RAD50: variants seen among roughly 807,000 people sequenced by gnomAD.
RAD50 encodes the protein DNA repair protein RAD50.
Under a neutral mutation model 168.8 loss-of-function variants are expected in RAD50, and 132 were observed. The observed-to-expected ratio is 0.78, with a 90% CI of 0.68 to 0.90. The LOEUF (loss-of-function observed/expected upper bound fraction) is 0.90. Ranked by LOEUF, RAD50 falls within the 40% of genes least tolerant of loss-of-function variation. The pLI is 0.00. For synonymous variants in RAD50, 525 were observed against 497.4 expected (o/e 1.06, Z -0.74); for missense variants, 1,347 against 1,534.4 (o/e 0.88, Z 2.04).
intron 13 of RAD50, among the ~76,000 whole-genome samples, chr5:132,599,479 G>A (rs1455687485): frequency 6.6e-6 from 1 of 152,114 alleles, no homozygotes; most frequent in Non-Finnish European, 1.5e-5. Flanking sequence ...CTTCCCAATA[G>A]TAGGAAATAA....
At chr5:132,561,151 C>G (rs187961705) in intron 2 of RAD50, among the ~76,000 whole-genome samples, 2 of 152,210 alleles carry the variant, frequency 1.3e-5, no homozygotes, top group Middle Eastern at 3.4e-3. Flanking sequence ...TTCCTTCTTT[C>G]TCACTGGCTA....
At chr5:132,629,076 C>T (rs1751418173) in intron 21 of RAD50, among the ~76,000 whole-genome samples, 1 of 152,242 alleles carries the variant, frequency 6.6e-6, no homozygotes, top group Non-Finnish European at 1.5e-5. Context: ...CATATGTATT[C>T]ACTGAATAGA....
At chr5:132,613,436 TC>T (rs1332298762) in intron 19 of RAD50, among the ~76,000 whole-genome samples, 1 of 152,096 alleles carries the variant, frequency 6.6e-6, no homozygotes. Flanking sequence ...TGATTTTTTT[TC>T]CCTTCCTTTC....
intron 2 of RAD50, among the ~76,000 whole-genome samples, chr5:132,566,363 A>G (rs1388156035): frequency 6.6e-6 from 1 of 152,238 alleles, no homozygotes; most frequent in African/African-American, 2.4e-5. Context: ...GCATAAATAC[A>G]TAGCTCCTTA....
intron 17 of RAD50, 132 bp from the exon 18 acceptor site, chr5:132,608,985 C>A: frequency 1.5e-6 from 2 of 1,348,482 alleles, no homozygotes; most frequent in South Asian, 1.5e-5. Flanking sequence ...GACTTGTCTG[C>A]GATCATAAAA....
intron 21 of RAD50, among the ~76,000 whole-genome samples, chr5:132,626,557 C>T (rs982180365): frequency 6.6e-6 from 1 of 152,178 alleles, no homozygotes; most frequent in Non-Finnish European, 1.5e-5. Flanking sequence ...ATGTTCCATT[C>T]TTTAATGTAA....
rs1171425306 is a variant in RAD50, at chr5:132,608,561, C to T, written c.2719-54C>T. 2.8e-6 allele frequency: 4 copies of T among 1,420,714 alleles called. No individual in the cohort carries two copies. The African/African-American group carries it at 5.8e-5, about 21-fold the overall frequency. 88.0% of individuals were successfully genotyped at this position (1,420,714 alleles called of 1,614,324 possible). A position where few individuals can be genotyped will look rare whatever the true frequency, so the allele number is the denominator to read the frequency against. ...TTATTAAGACTGTGAAGTCTGACCC[C>T]TAAAGTAAGATAATGGAATATTATA... On this transcript the variant is annotated intron_variant, in intron 16 of 24. Transcript: ENST00000378823.
At chr5:132,593,235 T>C (rs1300731775) in intron 11 of RAD50, 2 of 176,568 alleles carry the variant, frequency 1.1e-5, no homozygotes, top group Non-Finnish European at 2.5e-5. Context: ...TTGATACTTG[T>C]TCTTGCTTCA....
At chr5:132,641,382 A>C (rs1214430039) in intron 24 of RAD50, among the ~76,000 whole-genome samples, 1 of 152,126 alleles carries the variant, frequency 6.6e-6, no homozygotes, top group African/African-American at 2.4e-5. Flanking sequence ...GGCAGAGAAA[A>C]AGGCAGTTTC....
At chr5:132,607,958 T>C (rs192093419) in intron 16 of RAD50, among the ~76,000 whole-genome samples, 3 of 152,366 alleles carry the variant, frequency 2.0e-5, no homozygotes, top group Middle Eastern at 3.4e-3. Context: ...AACTACGTTG[T>C]AGATTTAGTG....
intron 5 of RAD50, 55 bp downstream of exon 5, chr5:132,580,121 CATG>C (rs1750481016): frequency 7.1e-7 from 1 of 1,404,920 alleles, no homozygotes; most frequent in Non-Finnish European, 1.0e-6. Flanking sequence ...TGGTATACAG[CATG>C]ATGTTTTGAT....
intron 13 of RAD50, among the ~76,000 whole-genome samples, chr5:132,598,450 A>C (rs1750830271): frequency 6.6e-6 from 1 of 152,314 alleles, no homozygotes; most frequent in Admixed American, 6.5e-5. Flanking sequence ...ATGAATGAGA[A>C]CTGTAATGTC....
chr5:132,642,883 G>T lies in RAD50; in HGVS notation c.*519G>T. 1 of 400,136 alleles carries T rather than the reference G, an allele frequency of 2.5e-6. No individual in the cohort carries two copies. Among genetic ancestry groups the T allele is most frequent in the Non-Finnish European group, 5.1e-6 (1 of 197,436 alleles). 24.8% of individuals were successfully genotyped at this position (400,136 alleles called of 1,614,324 possible). A position where few individuals can be genotyped will look rare whatever the true frequency, so the allele number is the denominator to read the frequency against. On this transcript the variant is annotated 3_prime_UTR_variant, in exon 25 of 25. Coordinates refer to ENST00000378823, the MANE Select transcript of RAD50 (RefSeq NM_005732.4). ...TATAAATCCAGTGACCTCTCTCTCTGGGACTTGGTTTCCCCAACTAAAATT... is the reference window on the plus strand; with the variant it reads ...TATAAATCCAGTGACCTCTCTCTCTTGGACTTGGTTTCCCCAACTAAAATT...
At chr5:132,591,755 T>C in intron 10 of RAD50, 122 bp from the exon 11 acceptor site, 1 of 769,298 alleles carries the variant, frequency 1.3e-6, no homozygotes. Flanking sequence ...AATTTTATAT[T>C]TTATTTTCAT....
intron 21 of RAD50, among the ~76,000 whole-genome samples, chr5:132,632,612 G>C (rs540452385): frequency 5.5e-4 from 84 of 152,204 alleles, no homozygotes; most frequent in African/African-American, 2.0e-3. Context: ...GAACATATTA[G>C]AAAGCTTTTA....
intron 23 of RAD50, among the ~76,000 whole-genome samples, chr5:132,640,467 AG>A (rs1190912869): frequency 6.6e-6 from 1 of 152,220 alleles, no homozygotes; most frequent in Non-Finnish European, 1.5e-5. Flanking sequence ...GGTGAATGAT[AG>A]GCTGAGATCA....
In RAD50 at chr5:132,589,811, G is replaced by A; in HGVS notation, c.1426G>A (p.Glu476Lys). 6.2e-7 allele frequency: 1 copy of A among 1,613,356 alleles called. No homozygotes were observed. The highest frequency in any genetic ancestry group is 8.5e-7 in the Non-Finnish European group (1 of 1,179,612). Reference protein sequence around the residue: ...QLEGSSDRILELDQELIKAER... With the variant: ...QLEGSSDRILKLDQELIKAER... Reference sequence around the variant, plus strand: ...GGAAGGATCTTCAGACAGGATTCTTGAACTGGACCAGGAGCTCATAAAAGC... The same window carrying A: ...GGAAGGATCTTCAGACAGGATTCTTAAACTGGACCAGGAGCTCATAAAAGC... The change falls in exon 9 of 25, where the codon GAA becomes AAA. Residue 476 changes from glutamate (E) to lysine (K), a missense_variant. By Grantham distance (56) the Glu-to-Lys change is moderately conservative (BLOSUM62 1). Around this residue, in one of 3 missense-constraint regions of RAD50, gnomAD observed 703 missense variants for 767.7 expected, o/e 0.92. Transcript: ENST00000378823.
At chr5:132,600,741 A>C (rs1316015917) in intron 13 of RAD50, among the ~76,000 whole-genome samples, 1 of 152,144 alleles carries the variant, frequency 6.6e-6, no homozygotes, top group Non-Finnish European at 1.5e-5. Context: ...TTAGAAAAGG[A>C]ATGTTGTCTA....
At chr5:132,625,210 C>A (rs1581013134) in intron 21 of RAD50, among the ~76,000 whole-genome samples, 1 of 150,554 alleles carries the variant, frequency 6.6e-6, no homozygotes, top group African/African-American at 2.4e-5. Context: ...CCTCAGCCTC[C>A]CAAGTAGCTG....
Sources: allele counts gnomAD v4.1 joint callset (sites outside exome capture counted in the v4.1 genomes callset), GRCh38; gene constraint gnomAD v4.1.1; regional missense constraint gnomAD v4.1.1; transcripts MANE v1.5; gene names NCBI Gene and HGNC (gene_info 2026-07-23, HGNC 2026-07-21).